The following AQR variants were observed in gnomAD, a reference collection of about 807,000 sequenced individuals.
AQR encodes the protein aquarius intron-binding spliceosomal factor, also known as RNA helicase aquarius.
AQR carries 61 observed loss-of-function variants against 180.5 expected under a neutral mutation model. The observed-to-expected ratio is 0.34, with a 90% CI of 0.28 to 0.42. The LOEUF is 0.42. AQR is among the 10% of genes least tolerant of loss of function. The probability of loss-of-function intolerance (pLI) is 1.00; values close to 1 mark genes in which losing one functional copy is unlikely to be tolerated. For synonymous variants in AQR, 551 were observed against 588.8 expected, an observed-to-expected ratio of 0.94 and a Z score of 0.93; for missense variants, 1,281 against 1,798.3, an observed-to-expected ratio of 0.71 and a Z score of 5.20.
Position 34,906,534 on chromosome 15 carries a change from G to A in AQR, c.1831+11C>T. The A allele has an allele frequency of 1.2e-6, 2 of 1,613,062 alleles. No individual in the cohort carries two copies. The highest frequency in any genetic ancestry group is 1.7e-6 in the Non-Finnish European group (2 of 1,179,536). On this transcript the variant is annotated intron_variant, in intron 18 of 34. Coordinates refer to ENST00000156471, the MANE Select transcript of AQR (RefSeq NM_014691.3). Reference sequence around the variant, plus strand: ...ATACACATACTCTTTCAAAAATATAGGTCACCATACCATCTTCAATGACAC... The same window carrying A: ...ATACACATACTCTTTCAAAAATATAAGTCACCATACCATCTTCAATGACAC...
intron 5 of AQR, among the ~76,000 whole-genome samples, chr15:34,946,419 C>G (rs1424022400): frequency 1.7e-5 from 2 of 118,788 alleles, no homozygotes; most frequent in Non-Finnish European, 3.8e-5. Flanking sequence ...CCGCCCCGTC[C>G]GGGAGGGAGG....
In AQR at chr15:34,852,388, C is replaced by T. The variant is rs1043775467; in HGVS notation, c.*4404G>A. On this transcript the variant is annotated 3_prime_UTR_variant, in exon 35 of 35. Transcript: ENST00000156471. ...GTTTCACCATGTTGGGCCGGATGAT[C>T]TCGATCTCCTGACCTCAGGTGATCC... 3 of 152,214 alleles carry T rather than the reference C, an allele frequency of 2.0e-5. No homozygotes were observed. The highest frequency in any genetic ancestry group is 2.0e-4 in the Admixed American group (3 of 15,282). 9.4% of individuals were successfully genotyped at this position (152,214 alleles called of 1,614,324 possible). A position where few individuals can be genotyped will look rare whatever the true frequency, so the allele number is the denominator to read the frequency against.
chr15:34,921,255 G>A (rs1019588839), intron 13 of AQR, among the ~76,000 whole-genome samples: 2 of 151,584 alleles, frequency 1.3e-5, no homozygotes, highest in Non-Finnish European at 2.9e-5. Context: ...ACAATATGGT[G>A]AAACCCCGTC....
intron 2 of AQR, among the ~76,000 whole-genome samples, chr15:34,963,502 C>A (rs2060811): frequency 0.75 from 113,872 of 151,894 alleles, 43,652 homozygotes; most frequent in Middle Eastern, 0.86. Flanking sequence ...ACAAGATAAC[C>A]CAACAGATTT....
At chr15:34,928,229 A>AT (rs1312794863) in intron 12 of AQR, among the ~76,000 whole-genome samples, 1 of 151,544 alleles carries the variant, frequency 6.6e-6, no homozygotes, top group African/African-American at 2.4e-5. Context: ...TTATTTATTT[A>AT]TTTTTTCTTC....
chr15:34,926,824 C>T (rs1893772136), intron 13 of AQR, among the ~76,000 whole-genome samples: 1 of 151,964 alleles, frequency 6.6e-6, no homozygotes, highest in Non-Finnish European at 1.5e-5. Context: ...AAATTGTATA[C>T]GTCATAAAAA....
rs1566978120 is a variant in AQR at position 34,862,999 on chromosome 15, A to G, written c.3897T>C (p.Leu1299=). The change falls in exon 33 of 35, where the codon CTT becomes CTC. Residue 1299 remains leucine, a synonymous_variant. Transcript: ENST00000156471. ...ATACTCTGGCGAAGATATAAAGTCC[A>G]AGTCTGGCTCTAGACATGGCCACTA... ...RLVVAMSRAR[L]GLYIFARVSL... The G allele has an allele frequency of 6.2e-7, 1 of 1,613,872 alleles. No individual in the cohort carries two copies. The highest frequency in any genetic ancestry group is 1.7e-5 in the Admixed American group (1 of 59,972).
At chr15:34,907,985 T>A (rs1242975447) in intron 17 of AQR, among the ~76,000 whole-genome samples, 1 of 152,212 alleles carries the variant, frequency 6.6e-6, no homozygotes, top group Non-Finnish European at 1.5e-5. Flanking sequence ...ATCCACCCTA[T>A]CCTAGCTGTG....
At chr15:34,959,296 G>A (rs929095994) in intron 3 of AQR, among the ~76,000 whole-genome samples, 1 of 152,078 alleles carries the variant, frequency 6.6e-6, no homozygotes, top group African/African-American at 2.4e-5. Context: ...TTGAGTAACT[G>A]GGACTACAGC....
At chr15:34,870,288 TGAAA>T (rs1377278964) in intron 31 of AQR, 10 of 152,174 alleles carry the variant, frequency 6.6e-5, no homozygotes, top group African/African-American at 2.2e-4. Context: ...CCTTCATTAA[TGAAA>T]GAATCATCAT....
chr15:34,947,310 C>T (rs1463521381), intron 5 of AQR, among the ~76,000 whole-genome samples: 2 of 151,192 alleles, frequency 1.3e-5, no homozygotes, highest in Non-Finnish European at 3.0e-5. Flanking sequence ...TGCTTGAAGG[C>T]AGCATGCTCG....
intron 2 of AQR, among the ~76,000 whole-genome samples, chr15:34,963,995 A>G (rs2050296507): frequency 6.6e-6 from 1 of 152,192 alleles, no homozygotes; most frequent in Non-Finnish European, 1.5e-5. Context: ...TAAAGAAAAT[A>G]CAACAAAATG....
At chr15:34,939,481 T>A (rs1281075739) in intron 8 of AQR, among the ~76,000 whole-genome samples, 1 of 152,242 alleles carries the variant, frequency 6.6e-6, no homozygotes, top group Admixed American at 6.5e-5. Flanking sequence ...TCACATTTAA[T>A]GTAGTTAAAA....
chr15:34,897,115 C>T (rs1441464493), intron 21 of AQR, 149 bp from the exon 22 acceptor site: 2 of 638,450 alleles, frequency 3.1e-6, no homozygotes, highest in Non-Finnish European at 5.4e-6. Flanking sequence ...TTCACCTCTA[C>T]CCCTCAACAC....
chr15:34,921,085 T>A (rs938417763), intron 13 of AQR, among the ~76,000 whole-genome samples: 8 of 152,216 alleles, frequency 5.3e-5, no homozygotes, highest in African/African-American at 9.7e-5. Context: ...TGTTTTATTT[T>A]AAATTCTGTG....
At chr15:34,896,543 TAAA>T (rs34623885) in intron 22 of AQR, among the ~76,000 whole-genome samples, 4 of 135,524 alleles carry the variant, frequency 3.0e-5, no homozygotes, top group African/African-American at 2.7e-5. Flanking sequence ...TAATCTATGT[TAAA>T]AAAAAAAAAA....
chr15:34,932,687 C>T (rs995556062), intron 10 of AQR, among the ~76,000 whole-genome samples: 5 of 152,110 alleles, frequency 3.3e-5, no homozygotes, highest in Non-Finnish European at 5.9e-5. Flanking sequence ...AGGCCGGGCG[C>T]GGTGGCTCAT....
intron 27 of AQR, 150 bp downstream of exon 27, chr15:34,882,352 C>G: frequency 1.2e-6 from 1 of 869,254 alleles, no homozygotes; most frequent in Non-Finnish European, 1.6e-6. Context: ...AAATTAGATT[C>G]AGAGTTCACT....
chr15:34,928,738 G>A (rs187944264), intron 12 of AQR, among the ~76,000 whole-genome samples: 213 of 152,196 alleles, frequency 1.4e-3, no homozygotes, highest in Admixed American at 2.2e-3. Context: ...GGTATTTCTC[G>A]TTCTAGATCC....
Sources: allele counts gnomAD v4.1 joint callset (sites outside exome capture counted in the v4.1 genomes callset), GRCh38; gene constraint gnomAD v4.1.1; transcripts MANE v1.5; gene names NCBI Gene and HGNC (gene_info 2026-07-23, HGNC 2026-07-21).